Variants in GMNN observed in about 807,000 individuals in gnomAD.
GMNN encodes the protein geminin DNA replication inhibitor, also known as geminin.
A neutral mutation model predicts 20.9 loss-of-function variants in GMNN; 14 were observed. The observed-to-expected ratio is 0.67, with a 90% CI of 0.44 to 1.05. GMNN has a LOEUF of 1.05. Among genes scored for constraint, GMNN ranks in the 50% least tolerant of loss-of-function variants. GMNN has a pLI of 0.00. For missense variants in GMNN, 227 were observed against 243.8 expected, an observed-to-expected ratio of 0.93 and a Z score of 0.46; for synonymous variants, 81 against 85.8, an observed-to-expected ratio of 0.94 and a Z score of 0.31.
chr6:24,778,398 G>T (rs1780128502), intron 2 of GMNN, among the ~76,000 whole-genome samples: 1 of 152,200 alleles, frequency 6.6e-6, no homozygotes, highest in Admixed American at 6.5e-5. Context: ...CTACTGGGAG[G>T]CTGAGGTGTG....
intron 2 of GMNN, among the ~76,000 whole-genome samples, chr6:24,779,181 G>C (rs1379318279): frequency 2.6e-5 from 4 of 152,156 alleles, no homozygotes; most frequent in Non-Finnish European, 5.9e-5. Context: ...GATTCACAGA[G>C]TATTAAATAG....
chr6:24,782,856 ATTTG>A (rs1780253328), intron 4 of GMNN, among the ~76,000 whole-genome samples: 1 of 151,308 alleles, frequency 6.6e-6, no homozygotes, highest in African/African-American at 2.4e-5. Flanking sequence ...ACTTTATTAT[ATTTG>A]TTGACAGTGG....
chr6:24,780,616 C>A, intron 2 of GMNN, 47 bp from the exon 3 acceptor site: 1 of 1,033,146 alleles, frequency 9.7e-7, no homozygotes. Context: ...ACTAAATAAC[C>A]ATATTGCAAC....
rs3756811 is a variant in GMNN at position 24,775,238 on chromosome 6, G to C, written c.-32G>C. The C allele has an allele frequency of 0.072, 10,943 of 152,454 alleles. 1,146 individuals carry two copies. The highest frequency in any genetic ancestry group is 0.22 in the African/African-American group (9,300 of 41,536). 9.4% of individuals were successfully genotyped at this position (152,454 alleles called of 1,614,324 possible). A position where few individuals can be genotyped will look rare whatever the true frequency, so the allele number is the denominator to read the frequency against. On this transcript the variant is annotated 5_prime_UTR_variant, in exon 1 of 7. Transcript: ENST00000230056. Reference sequence around the variant, plus strand: ...CCTACTTTGACAGCTGCAGGGCCGCGGCCTGGGTAAGGGCGAAGGGGTTGT... The same window carrying C: ...CCTACTTTGACAGCTGCAGGGCCGCCGCCTGGGTAAGGGCGAAGGGGTTGT...
intron 3 of GMNN, 118 bp downstream of exon 3, chr6:24,780,858 A>G (rs892233607): frequency 6.2e-6 from 4 of 640,258 alleles, no homozygotes; most frequent in Non-Finnish European, 1.1e-5. Context: ...TAATTTGGGA[A>G]TCACAATTAT....
intron 6 of GMNN, among the ~76,000 whole-genome samples, chr6:24,785,315 AG>A (rs932361394): frequency 3.3e-5 from 5 of 152,168 alleles, no homozygotes; most frequent in Non-Finnish European, 5.9e-5. Context: ...CTGCCTTAAA[AG>A]AATTAGTCCA....
chr6:24,783,299 T>C (rs1170706417), intron 4 of GMNN, among the ~76,000 whole-genome samples: 1 of 152,130 alleles, frequency 6.6e-6, no homozygotes, highest in African/African-American at 2.4e-5. Context: ...TACTGATAAA[T>C]TTTCTTTTAA....
intron 2 of GMNN, among the ~76,000 whole-genome samples, chr6:24,778,247 G>C (rs989272664): frequency 3.3e-5 from 5 of 152,242 alleles, no homozygotes; most frequent in African/African-American, 1.2e-4. Context: ...GCTCATGCCT[G>C]TGATCCCAGC....
Position 24,777,239 on chromosome 6 carries a change from T to C in GMNN, c.-8T>C. The C allele has an allele frequency of 7.4e-7, 1 of 1,358,586 alleles. No individual in the cohort carries two copies. Among genetic ancestry groups the C allele is most frequent in the Non-Finnish European group, 1.0e-6 (1 of 982,080 alleles). 84.2% of individuals were successfully genotyped at this position (1,358,586 alleles called of 1,614,324 possible). The stretch of plus-strand genomic sequence containing the variant: ...ATTACTAGTCTTCTGTGCTTCACCA[T>C]CTACATAATGAATCCCAGTATGAAG... On this transcript the variant is annotated 5_prime_UTR_variant, in exon 2 of 7. Transcript: ENST00000230056.
At chr6:24,779,049 T>C (rs1780142943) in intron 2 of GMNN, among the ~76,000 whole-genome samples, 1 of 152,208 alleles carries the variant, frequency 6.6e-6, no homozygotes, top group South Asian at 2.1e-4. Context: ...GTGGGTTAGT[T>C]AGCATTTCAG....
In GMNN at chr6:24,775,162, C is replaced by T. The variant is rs1780026195; in HGVS notation, c.-108C>T. On this transcript the variant is annotated 5_prime_UTR_variant, in exon 1 of 7. Transcript: ENST00000230056. ...AGTGGGTACGCAGGGGCGCAAGGCG[C>T]ACAGCCTCTAGACGACTCGCTTTCC... 2 of 152,536 alleles carry T rather than the reference C, an allele frequency of 1.3e-5. No homozygotes were observed. The highest frequency in any genetic ancestry group is 2.1e-4 in the South Asian group (1 of 4,844). 9.4% of individuals were successfully genotyped at this position (152,536 alleles called of 1,614,324 possible). A position where few individuals can be genotyped will look rare whatever the true frequency, so the allele number is the denominator to read the frequency against.
chr6:24,780,967 G>A (rs1303526247), intron 3 of GMNN, among the ~76,000 whole-genome samples: 1 of 152,192 alleles, frequency 6.6e-6, no homozygotes, highest in Non-Finnish European at 1.5e-5. Flanking sequence ...TAGGGAGGCC[G>A]AGGTGGGTGG....
chr6:24,778,921 C>T (rs1019049737), intron 2 of GMNN, among the ~76,000 whole-genome samples: 10 of 152,126 alleles, frequency 6.6e-5, no homozygotes, highest in African/African-American at 2.2e-4. Context: ...TATATATTTC[C>T]AGCAGATTAC....
intron 3 of GMNN, among the ~76,000 whole-genome samples, chr6:24,781,192 A>C (rs2113577933): frequency 6.6e-6 from 1 of 152,190 alleles, no homozygotes; most frequent in Non-Finnish European, 1.5e-5. Flanking sequence ...TGACAGAGCG[A>C]GACTCTAAAA....
intron 1 of GMNN, chr6:24,775,969 C>G (rs1269883055): frequency 6.6e-6 from 1 of 152,172 alleles, no homozygotes; most frequent in Admixed American, 6.5e-5. Context: ...TTCGAGATCA[C>G]GGCCCGCGAC....
At chr6:24,785,292 G>A (rs944837342) in intron 6 of GMNN, among the ~76,000 whole-genome samples, 1 of 152,064 alleles carries the variant, frequency 6.6e-6, no homozygotes, top group African/African-American at 2.4e-5. Flanking sequence ...AGATACTGTG[G>A]TAGCTGTCTT....
At chr6:24,779,451 C>T (rs981657965) in intron 2 of GMNN, among the ~76,000 whole-genome samples, 2 of 152,044 alleles carry the variant, frequency 1.3e-5, no homozygotes, top group Non-Finnish European at 2.9e-5. Flanking sequence ...AAGGTTCCAA[C>T]GTTACATTTT....
At chr6:24,781,198 T>TAAAATA in intron 3 of GMNN, among the ~76,000 whole-genome samples, 1 of 151,788 alleles carries the variant, frequency 6.6e-6, no homozygotes, top group Middle Eastern at 3.4e-3. Context: ...AGCGAGACTC[T>TAAAATA]AAAATAAAAA....
At chr6:24,777,172 C>A (rs1190716134) in intron 1 of GMNN, 50 bp from the exon 2 acceptor site, 4 of 607,802 alleles carry the variant, frequency 6.6e-6, no homozygotes, top group East Asian at 2.9e-5. Context: ...GTATTTTAAA[C>A]CTAGACTCCA....
Sources: allele counts gnomAD v4.1 joint callset (sites outside exome capture counted in the v4.1 genomes callset), GRCh38; gene constraint gnomAD v4.1.1; transcripts MANE v1.5; gene names NCBI Gene and HGNC (gene_info 2026-07-23, HGNC 2026-07-21).